TRIM29: variants seen among roughly 807,000 people sequenced by gnomAD.
TRIM29 encodes tripartite motif-containing protein 29.
A neutral mutation model predicts 57.3 loss-of-function variants in TRIM29; 52 were observed. That is an observed-to-expected ratio of 0.91 (90% CI 0.73 to 1.14). TRIM29 has a LOEUF of 1.14. Among genes scored for constraint, TRIM29 ranks in the 50% most tolerant of loss-of-function variants. TRIM29 has a pLI of 0.00. For synonymous variants in TRIM29, 319 were observed against 316.9 expected (o/e 1.01, Z -0.07); for missense variants, 753 against 774.6 (o/e 0.97, Z 0.33).
intron 8 of TRIM29, 68 bp from the exon 9 acceptor site, chr11:120,112,544 A>G: frequency 6.4e-7 from 1 of 1,555,434 alleles, no homozygotes; most frequent in Non-Finnish European, 8.9e-7. Flanking sequence ...GACCCACCCT[A>G]CCCTAACCTG....
chr11:120,137,715 T>C lies in TRIM29; in HGVS notation c.317A>G (p.Tyr106Cys). 6.2e-7 allele frequency: 1 copy of C among 1,612,962 alleles called. No homozygotes were observed. Among genetic ancestry groups the C allele is most frequent in the Non-Finnish European group, 8.5e-7 (1 of 1,180,004 alleles). The change falls in exon 1 of 9, where the codon TAC becomes TGC. Residue 106 changes from tyrosine (Y) to cysteine (C), a missense_variant. Physicochemically the swap from Tyr to Cys is radical, Grantham distance 194 (BLOSUM62 -2). Transcript: ENST00000341846. The surrounding 1 kb of genome is among the most constrained non-coding windows in gnomAD (Gnocchi z 6.2). ...MDSMEGKRSP[Y>C]AGLQLGAAKK... The stretch of plus-strand genomic sequence containing the variant: ...GGCAGCCCCCAGCTGGAGCCCTGCG[T>C]ACGGCGACCTCTTGCCTTCCATAGA...
At position 120,112,105 on chromosome 11, in the gene TRIM29, G is replaced by A. The variant is rs988271528; in HGVS notation, c.*309C>T. 7.1e-5 allele frequency: 26 copies of A among 366,002 alleles called. No individual in the cohort carries two copies. Among genetic ancestry groups the A allele is most frequent in the Non-Finnish European group, 1.1e-4 (22 of 196,448 alleles). 22.7% of individuals were successfully genotyped at this position (366,002 alleles called of 1,614,324 possible). ...CACTGCTAGCCCCCAGATCCAGCCC[G>A]AGAGGAGGAGGCTGGCGGGTTAGGG... On this transcript the variant is annotated 3_prime_UTR_variant, in exon 9 of 9. Coordinates refer to ENST00000341846, the MANE Select transcript of TRIM29 (RefSeq NM_012101.4).
At position 120,111,941 on chromosome 11, in the gene TRIM29, T is replaced by G; in HGVS notation, c.*473A>C. The G allele has an allele frequency of 5.8e-6, 1 of 172,066 alleles. No homozygotes were observed. Among genetic ancestry groups the G allele is most frequent in the Non-Finnish European group, 1.2e-5 (1 of 81,060 alleles). 10.7% of individuals were successfully genotyped at this position (172,066 alleles called of 1,614,324 possible). A position where few individuals can be genotyped will look rare whatever the true frequency, so the allele number is the denominator to read the frequency against. The stretch of plus-strand genomic sequence containing the variant: ...CCTCTGGGAAGCAGGAGGTGGGCCA[T>G]GTGAATGGGAGATGGGTGGCTGTGC... On this transcript the variant is annotated 3_prime_UTR_variant, in exon 9 of 9. Coordinates refer to ENST00000341846, the MANE Select transcript of TRIM29 (RefSeq NM_012101.4).
chr11:120,115,627 C>CA, intron 7 of TRIM29: 1 of 567,846 alleles, frequency 1.8e-6, no homozygotes, highest in Non-Finnish European at 3.2e-6. Context: ...GCAAAGCAGA[C>CA]AGAAGGAGGA....
At chr11:120,120,325 A>T (rs1351276967) in intron 6 of TRIM29, among the ~76,000 whole-genome samples, 3 of 147,844 alleles carry the variant, frequency 2.0e-5, no homozygotes. Context: ...AGCCTAACTA[A>T]TGGTGTCCCC....
chr11:120,113,129 C>G (rs1453229511), intron 8 of TRIM29, among the ~76,000 whole-genome samples: 1 of 152,080 alleles, frequency 6.6e-6, no homozygotes, highest in Non-Finnish European at 1.5e-5. Flanking sequence ...AGAAAGGGTG[C>G]AGAGAGGGTA....
At chr11:120,117,065 G>T (rs1863290538) in intron 7 of TRIM29, 2 of 413,866 alleles carry the variant, frequency 4.8e-6, no homozygotes, top group Middle Eastern at 3.4e-4. Flanking sequence ...TGCCTGCTGG[G>T]AGAGAGAGAG....
intron 5 of TRIM29, chr11:120,122,032 A>C: frequency 2.2e-6 from 1 of 445,636 alleles, no homozygotes; most frequent in Non-Finnish European, 4.5e-6. Flanking sequence ...AACAACCAAG[A>C]AGCCCAGGGG....
intron 8 of TRIM29, among the ~76,000 whole-genome samples, 164 bp from the exon 9 acceptor site, chr11:120,112,640 G>A (rs545459327): frequency 6.6e-6 from 1 of 152,248 alleles, no homozygotes; most frequent in East Asian, 1.9e-4. Flanking sequence ...CCTGTGATCA[G>A]GGGCTGGTCC....
chr11:120,127,548 C>G lies in TRIM29; in HGVS notation c.922G>C (p.Ala308Pro). The change falls in exon 3 of 9, where the codon GCC (alanine) becomes CCC (proline). Residue 308 changes from alanine to proline, a missense_variant. Ala to Pro is a conservative substitution (Grantham distance 27). Transcript: ENST00000341846. ...RIKSFTTNEK[A>P]ILEQNFRDLV... ...TCCCGGAAGTTCTGCTCCAGGATGG[C>G]CTTCTCATTGGTGGTGAAGCTCTGG... is the stretch of plus-strand genomic sequence containing the variant. The G allele has an allele frequency of 6.2e-7, 1 of 1,613,922 alleles. No homozygotes were observed. The highest frequency in any genetic ancestry group is 8.5e-7 in the Non-Finnish European group (1 of 1,179,874).
At chr11:120,117,290 C>A in intron 7 of TRIM29, 1 of 182,762 alleles carries the variant, frequency 5.5e-6, no homozygotes, top group Non-Finnish European at 1.1e-5. Context: ...AAGACATGCC[C>A]GGGGCTCCTG....
chr11:120,120,174 G>A (rs891367953), intron 6 of TRIM29, among the ~76,000 whole-genome samples: 2 of 119,886 alleles, frequency 1.7e-5, no homozygotes, highest in Admixed American at 1.6e-4. Flanking sequence ...CATACTTGTG[G>A]GGGGGGTGGC....
Position 120,118,203 on chromosome 11 carries a change from GC to G in TRIM29, c.1627+19del. 6.2e-7 allele frequency: 1 copy of G among 1,607,794 alleles called. No individual in the cohort carries two copies. The highest frequency in any genetic ancestry group is 8.5e-7 in the Non-Finnish European group (1 of 1,174,794). The stretch of plus-strand genomic sequence containing the variant: ...GAGGCAGCTGTGGAGGAAAGCAGGG[GC>G]CAGGGTGGGCAAGCTCACCTTTCAG... On this transcript the variant is annotated intron_variant, in intron 7 of 8. Transcript: ENST00000341846.
rs1473408111 is a variant in TRIM29 at position 120,127,403 on chromosome 11, A to C, written c.1067T>G (p.Val356Gly). The C allele has an allele frequency of 6.2e-7, 1 of 1,614,030 alleles. No homozygotes were observed. Among genetic ancestry groups the C allele is most frequent in the East Asian group, 2.2e-5 (1 of 44,894 alleles). Residue 356 changes from valine (V) to glycine (G), a missense_variant, in exon 3 of 9, where the codon GTG becomes GGG. Val to Gly is a moderately radical substitution (Grantham distance 109, BLOSUM62 -3). Coordinates refer to ENST00000341846, the MANE Select transcript of TRIM29 (RefSeq NM_012101.4). ...IMDALDERAK[V>G]LHEDKQTREQ... is the part of the protein sequence containing the mutation. ...CCGGGTCTGCTTGTCCTCATGCAGC[A>C]CCTTGGCTCTCTCATCCAGAGCATC...
intron 7 of TRIM29, 51 bp from the exon 8 acceptor site, chr11:120,115,465 G>A (rs536138072): frequency 4.6e-6 from 7 of 1,529,984 alleles, no homozygotes; most frequent in Non-Finnish European, 5.4e-6. Flanking sequence ...GTGGTCAGGG[G>A]TGCCCGGGCC....
chr11:120,118,141 G>T, intron 7 of TRIM29, 82 bp downstream of exon 7: 1 of 1,257,596 alleles, frequency 8.0e-7, no homozygotes, highest in Non-Finnish European at 1.1e-6. Flanking sequence ...GGAACTAGCA[G>T]CTCAGCGAAG....
intron 8 of TRIM29, among the ~76,000 whole-genome samples, chr11:120,114,629 T>C (rs532776568): frequency 1.3e-5 from 2 of 152,322 alleles, no homozygotes; most frequent in African/African-American, 4.8e-5. Context: ...GCATGTGAAC[T>C]ACAGTCCCCG....
chr11:120,119,178 TG>T (rs1345014803), intron 6 of TRIM29, among the ~76,000 whole-genome samples: 2 of 152,000 alleles, frequency 1.3e-5, no homozygotes, highest in African/African-American at 4.8e-5. Flanking sequence ...AAGAAGGCAG[TG>T]GGAAAGGGGT....
At chr11:120,124,789 A>G (rs1274916169) in intron 4 of TRIM29, 1 of 152,104 alleles carries the variant, frequency 6.6e-6, no homozygotes, top group Non-Finnish European at 1.5e-5. Flanking sequence ...TGCCATCGCC[A>G]AGGTGCACAA....
Sources: gnomAD v4.1 joint callset for allele counts (sites outside exome capture counted in the v4.1 genomes callset) on GRCh38, gnomAD v4.1.1 for gene constraint, Gnocchi (gnomAD v3.1) non-coding constraint, MANE v1.5 for transcripts, NCBI Gene and HGNC (gene_info 2026-07-23, HGNC 2026-07-21) for gene names.